Variants in ITGAV observed in about 807,000 individuals in gnomAD.
The protein encoded by ITGAV is integrin subunit alpha V, also known as integrin alpha-V.
Under a neutral mutation model 143.8 loss-of-function variants are expected in ITGAV, and 76 were observed. The observed-to-expected ratio is 0.53, with a 90% confidence interval of 0.44 to 0.64. ITGAV has a LOEUF of 0.64. Among genes scored for constraint, ITGAV ranks in the 30% least tolerant of loss-of-function variants. ITGAV has a pLI of 0.00. For missense variants in ITGAV, 1,193 were observed against 1,274.7 expected, an observed-to-expected ratio of 0.94 and a Z score of 0.98; for synonymous variants, 453 against 446.7, an observed-to-expected ratio of 1.01 and a Z score of -0.18.
intron 20 of ITGAV, among the ~76,000 whole-genome samples, chr2:186,664,911 G>T (rs967140707): frequency 2.6e-5 from 4 of 152,150 alleles, no homozygotes; most frequent in Admixed American, 2.0e-4. Context: ...TTATTTGTCA[G>T]AGGCTGTATG....
intron 4 of ITGAV, among the ~76,000 whole-genome samples, chr2:186,628,335 T>A (rs1687730116): frequency 6.6e-6 from 1 of 152,124 alleles, no homozygotes; most frequent in South Asian, 2.1e-4. Flanking sequence ...TGTTGGTTAG[T>A]TAGTTTGGTT....
chr2:186,632,383 G>A lies in ITGAV; in HGVS notation c.586-946G>A, dbSNP rs550804538. Among the ~76,000 whole-genome samples, 470 of 151,550 alleles carry A rather than the reference G, an allele frequency of 3.1e-3. 1 individual carries two copies. Among genetic ancestry groups the A allele is most frequent in the African/African-American group, 0.011 (450 of 41,148 alleles). On this transcript the variant is annotated intron_variant, in intron 5 of 29. Transcript: ENST00000261023. Reference sequence around the variant, plus strand: ...TTCACTTTCTTAAACACATTTCTGAGAAAAGGGTGTCTTTTTAGGGCAGAT... The same window carrying A: ...TTCACTTTCTTAAACACATTTCTGAAAAAAGGGTGTCTTTTTAGGGCAGAT...
At position 186,625,597 on chromosome 2, in the gene ITGAV, G is replaced by C; in HGVS notation, c.523+10G>C. 1.3e-6 allele frequency: 2 copies of C among 1,584,718 alleles called. No homozygotes were observed. Among genetic ancestry groups the C allele is most frequent in the Non-Finnish European group, 1.7e-6 (2 of 1,155,932 alleles). On this transcript the variant is annotated intron_variant, in intron 4 of 29. Transcript: ENST00000261023. Reference sequence around the variant, plus strand: ...GCTCCATGTAGATCACGTATGTATAGGATATTGTACCAGCTTTTAAGAAGA... The same window carrying C: ...GCTCCATGTAGATCACGTATGTATACGATATTGTACCAGCTTTTAAGAAGA...
intron 18 of ITGAV, among the ~76,000 whole-genome samples, chr2:186,660,077 T>C (rs969248672): frequency 7.9e-5 from 12 of 152,124 alleles, no homozygotes; most frequent in African/African-American, 2.9e-4. Context: ...TATTATACTT[T>C]CTTTGAAAGT....
At chr2:186,655,071 C>T (rs1688545960) in intron 16 of ITGAV, among the ~76,000 whole-genome samples, 1 of 151,954 alleles carries the variant, frequency 6.6e-6, no homozygotes, top group Admixed American at 6.6e-5. Context: ...TTTGAGCAGC[C>T]CCAAGCAATC....
chr2:186,622,917 C>A (rs1340754693), intron 3 of ITGAV, among the ~76,000 whole-genome samples: 1 of 152,280 alleles, frequency 6.6e-6, no homozygotes, highest in Admixed American at 6.5e-5. Context: ...CACCTGCCAC[C>A]AGGCCTGGCT....
Position 186,642,510 on chromosome 2 carries a change from TTTTC to T in ITGAV, c.1159+926_1159+929del, listed in dbSNP as rs1688134528. ...TGGAAGATTAACCGTAGTCATTTCTTTTTCTTTGTTTCTTTCTTTTTTTTCTTTT... is the reference window on the plus strand; with the variant it reads ...TGGAAGATTAACCGTAGTCATTTCTTTTTGTTTCTTTCTTTTTTTTCTTTT... On this transcript the variant is annotated intron_variant, in intron 12 of 29. Transcript: ENST00000261023. 2.0e-5 allele frequency among the ~76,000 whole-genome samples: 3 copies of T among 150,918 alleles called. No individual in the cohort carries two copies. The East Asian group carries it at 5.9e-4, about 30-fold the overall frequency.
chr2:186,661,109 T>C lies in ITGAV; in HGVS notation c.1857+1934T>C, dbSNP rs562408437. 3.3e-5 allele frequency among the ~76,000 whole-genome samples: 5 copies of C among 152,364 alleles called. No individual in the cohort carries two copies. The East Asian group carries it at 5.8e-4, about 18-fold the overall frequency. On this transcript the variant is annotated intron_variant, in intron 18 of 29. Transcript: ENST00000261023. Reference sequence around the variant, plus strand: ...AATGATATTTAAAATATTGTCATTTTTACATGGAATCACTTAAAAATTATC... The same window carrying C: ...AATGATATTTAAAATATTGTCATTTCTACATGGAATCACTTAAAAATTATC...
intron 10 of ITGAV, among the ~76,000 whole-genome samples, chr2:186,639,038 A>G (rs1444259922): frequency 1.3e-5 from 2 of 152,008 alleles, no homozygotes; most frequent in Non-Finnish European, 2.9e-5. Flanking sequence ...TAATTTTATT[A>G]GATGCAACAG....
At chr2:186,670,182 T>G (rs909016305) in intron 26 of ITGAV, among the ~76,000 whole-genome samples, 2 of 152,204 alleles carry the variant, frequency 1.3e-5, no homozygotes, top group Non-Finnish European at 2.9e-5. Flanking sequence ...GATTAACCTT[T>G]GTTGAGTTAG....
At position 186,677,791 on chromosome 2, in the gene ITGAV, T is replaced by G. The variant is rs199833522; in HGVS notation, c.*499T>G. On this transcript the variant is annotated 3_prime_UTR_variant, in exon 30 of 30. Coordinates refer to ENST00000261023, the MANE Select transcript of ITGAV (RefSeq NM_002210.5). ...CTAAAGACTTTATAACTGCATGAAC[T>G]TGGATTTTTTTAATCACTCATATGG... 13 of 152,980 alleles carry G rather than the reference T, an allele frequency of 8.5e-5. No homozygotes were observed. Among genetic ancestry groups the G allele is most frequent in the African/African-American group, 1.7e-4 (7 of 41,442 alleles). 9.5% of individuals were successfully genotyped at this position (152,980 alleles called of 1,614,324 possible).
chr2:186,619,850 G>T (rs1209095897), intron 2 of ITGAV, among the ~76,000 whole-genome samples: 1 of 152,048 alleles, frequency 6.6e-6, no homozygotes, highest in Non-Finnish European at 1.5e-5. Context: ...AAATTAGCTG[G>T]GCGTGGTGGC....
At chr2:186,649,690 A>G in intron 13 of ITGAV, 150 bp from the exon 14 acceptor site, 1 of 482,496 alleles carries the variant, frequency 2.1e-6, no homozygotes, top group Non-Finnish European at 3.6e-6. Context: ...GTTTTCATAT[A>G]TTTTAGCCTT....
chr2:186,595,685 CA>C (rs1244736870), intron 1 of ITGAV, among the ~76,000 whole-genome samples: 2 of 70,218 alleles, frequency 2.8e-5, no homozygotes, highest in African/African-American at 9.5e-5. Context: ...TGTTTCCAGT[CA>C]TTAAAAAAAA....
At chr2:186,647,903 A>T (rs1036761631) in intron 13 of ITGAV, among the ~76,000 whole-genome samples, 9 of 152,234 alleles carry the variant, frequency 5.9e-5, no homozygotes, top group African/African-American at 2.2e-4. Context: ...CTCATAAATT[A>T]GTAGTATTTT....
At chr2:186,627,637 T>C (rs1287819916) in intron 4 of ITGAV, among the ~76,000 whole-genome samples, 2 of 152,276 alleles carry the variant, frequency 1.3e-5, no homozygotes, top group Non-Finnish European at 2.9e-5. Context: ...GGGCCTCTTT[T>C]TGTGAATAAA....
chr2:186,665,332 G>T, intron 21 of ITGAV, 114 bp downstream of exon 21: 2 of 680,042 alleles, frequency 2.9e-6, no homozygotes, highest in Non-Finnish European at 5.1e-6. Flanking sequence ...TCCTTAAATT[G>T]GTTTCGATAT....
chr2:186,651,771 C>T (rs1013973781), intron 14 of ITGAV, among the ~76,000 whole-genome samples: 7 of 152,154 alleles, frequency 4.6e-5, no homozygotes, highest in Admixed American at 4.6e-4. Context: ...TCCCAGGATG[C>T]AGGAGTTTCT....
At chr2:186,650,883 TCTC>T (rs1688407003) in intron 14 of ITGAV, among the ~76,000 whole-genome samples, 1 of 152,148 alleles carries the variant, frequency 6.6e-6, no homozygotes, top group African/African-American at 2.4e-5. Context: ...TCAGAGGTAT[TCTC>T]CTGTAGTTTT....
Sources: gnomAD v4.1 joint callset for allele counts (sites outside exome capture counted in the v4.1 genomes callset) on GRCh38, gnomAD v4.1.1 for gene constraint, MANE v1.5 for transcripts, NCBI Gene and HGNC (gene_info 2026-07-23, HGNC 2026-07-21) for gene names.